The following NOL4L variants were observed in gnomAD, a reference collection of about 807,000 sequenced individuals.
NOL4L encodes nucleolar protein 4 like, also known as nucleolar protein 4-like.
A neutral mutation model predicts 64.5 loss-of-function variants in NOL4L; 7 were observed. The observed-to-expected ratio is 0.11, with a 90% CI of 0.06 to 0.20. NOL4L has a LOEUF of 0.20. Among genes scored for constraint, NOL4L ranks in the 10% least tolerant of loss-of-function variants. The probability of loss-of-function intolerance (pLI) is 1.00; values close to 1 mark genes in which losing one functional copy is unlikely to be tolerated. For synonymous variants in NOL4L, 413 were observed against 401.0 expected, an observed-to-expected ratio of 1.03 and a Z score of -0.36; for missense variants, 680 against 967.1, an observed-to-expected ratio of 0.70 and a Z score of 3.94.
chr20:32,460,928 C>T lies in NOL4L; in HGVS notation c.842-4533G>A, dbSNP rs900234618. ...TCCCCTACTCTCGGCGACTCCTGCT[C>T]GCCCTTCTGTGCTAACCCGAGCACC... On this transcript the variant is annotated intron_variant, in intron 5 of 10. Transcript: ENST00000621426. The surrounding 1 kb of genome is among the most constrained non-coding windows in gnomAD (Gnocchi z 5.7). Among the ~76,000 whole-genome samples the T allele has an allele frequency of 2.0e-5, 3 of 152,246 alleles. No individual in the cohort carries two copies. Among genetic ancestry groups the T allele is most frequent in the Non-Finnish European group, 4.4e-5 (3 of 68,040 alleles).
chr20:32,542,188 C>T (rs916468372), intron 1 of NOL4L, among the ~76,000 whole-genome samples: 3 of 152,200 alleles, frequency 2.0e-5, no homozygotes, highest in South Asian at 2.1e-4. Context: ...AGTGCCTCCT[C>T]GGGCTAGCTG....
rs1695896811 is a variant in NOL4L, at chr20:32,584,919, G to GCGGGCCGGCCGC, written c.-41_-30dup. 1 of 1,173,238 alleles carries GCGGGCCGGCCGC rather than the reference G, an allele frequency of 8.5e-7. No homozygotes were observed. The highest frequency in any genetic ancestry group is 1.1e-6 in the Non-Finnish European group (1 of 952,130). The allele number at this position is 1,173,238 out of a possible 1,614,324, so 72.7% of individuals were successfully genotyped here. ...CCCGCCGCGCCCGGCGCCCTCGGGG[G>GCGGGCCGGCCGC]CGGGCCGGCCGCCGGGCCGCCCGGT... On this transcript the variant is annotated 5_prime_UTR_variant, in exon 1 of 11. Coordinates refer to ENST00000621426, the MANE Select transcript of NOL4L (RefSeq NM_001256798.2).
At chr20:32,561,030 G>C (rs960929880) in intron 1 of NOL4L, 1 of 152,342 alleles carries the variant, frequency 6.6e-6, no homozygotes, top group East Asian at 1.9e-4. Flanking sequence ...GCGGCATGAC[G>C]GATGTGCCCG....
intron 1 of NOL4L, among the ~76,000 whole-genome samples, chr20:32,580,871 G>A (rs1980423740): frequency 6.6e-6 from 1 of 152,218 alleles, no homozygotes; most frequent in South Asian, 2.1e-4. Flanking sequence ...CGTAACCTGT[G>A]GCCCTCGCAG....
rs2012306296 is a variant in NOL4L, at chr20:32,445,869, G to C, written c.*1727C>G. ...GGCAGGATGGGGCATCCTCACTGGTGCCCCCCCCATCCCTCCTTGGGGGGA... is the reference window on the plus strand; with the variant it reads ...GGCAGGATGGGGCATCCTCACTGGTCCCCCCCCCATCCCTCCTTGGGGGGA... On this transcript the variant is annotated 3_prime_UTR_variant, in exon 11 of 11. Coordinates refer to ENST00000621426, the MANE Select transcript of NOL4L (RefSeq NM_001256798.2). 1.3e-5 allele frequency: 2 copies of C among 151,900 alleles called. No homozygotes were observed. The highest frequency in any genetic ancestry group is 4.2e-4 in the South Asian group (2 of 4,818). 9.4% of individuals were successfully genotyped at this position (151,900 alleles called of 1,614,324 possible).
chr20:32,536,109 T>C (rs2018513341), intron 1 of NOL4L: 1 of 985,450 alleles, frequency 1.0e-6, no homozygotes, highest in Admixed American at 6.1e-5. Context: ...TCATAGGAAG[T>C]GTGTGGGAAC....
intron 4 of NOL4L, among the ~76,000 whole-genome samples, chr20:32,477,046 C>T (rs2015439197): frequency 6.6e-6 from 1 of 152,178 alleles, no homozygotes. Context: ...GAAAAGTTCC[C>T]CTCCCACAGT....
chr20:32,491,694 G>A (rs1382167201), intron 4 of NOL4L, among the ~76,000 whole-genome samples: 2 of 152,180 alleles, frequency 1.3e-5, no homozygotes, highest in Non-Finnish European at 2.9e-5. Flanking sequence ...GCATGCACAT[G>A]CCTCTTTTCC....
chr20:32,574,705 T>C (rs572973892), intron 1 of NOL4L, among the ~76,000 whole-genome samples: 2 of 151,972 alleles, frequency 1.3e-5, no homozygotes, highest in African/African-American at 4.8e-5. Context: ...TTGTGTCGGG[T>C]CCCAGCCGGG....
At chr20:32,563,360 C>T (rs1355158866) in intron 1 of NOL4L, among the ~76,000 whole-genome samples, 1 of 151,204 alleles carries the variant, frequency 6.6e-6, no homozygotes, top group African/African-American at 2.4e-5. Context: ...TACTGAATAC[C>T]TGCCCTGGGT....
chr20:32,573,686 G>T (rs1195548451), intron 1 of NOL4L: 1 of 198,776 alleles, frequency 5.0e-6, no homozygotes, highest in South Asian at 8.7e-5. Context: ...CTGCACAGCA[G>T]TAAGCGGCAG....
chr20:32,580,560 G>A (rs533392423), intron 1 of NOL4L, among the ~76,000 whole-genome samples: 1 of 152,298 alleles, frequency 6.6e-6, no homozygotes, highest in Admixed American at 6.5e-5. Context: ...GAACACCTGG[G>A]GTCCAGCTTG....
intron 1 of NOL4L, among the ~76,000 whole-genome samples, chr20:32,566,808 T>G (rs1979459166): frequency 6.6e-6 from 1 of 152,206 alleles, no homozygotes; most frequent in Non-Finnish European, 1.5e-5. Flanking sequence ...CTCCACGCAT[T>G]TACCAGCGTC....
intron 1 of NOL4L, among the ~76,000 whole-genome samples, chr20:32,554,408 T>G (rs1303015710): frequency 2.6e-5 from 4 of 151,436 alleles, no homozygotes; most frequent in Non-Finnish European, 4.4e-5. Flanking sequence ...TGTCACAGGC[T>G]GCACAGCCAA....
At chr20:32,575,580 C>T (rs1368933631) in intron 1 of NOL4L, among the ~76,000 whole-genome samples, 1 of 152,038 alleles carries the variant, frequency 6.6e-6, no homozygotes, top group Non-Finnish European at 1.5e-5. Context: ...CAGAACCCGG[C>T]TCTGAGACAT....
In NOL4L at chr20:32,453,140, T is replaced by A; in HGVS notation, c.1498-134A>T. On this transcript the variant is annotated intron_variant, in intron 8 of 10. Transcript: ENST00000621426. This position sits in a 1 kb window ranked among gnomAD's most constrained non-coding sequence, Gnocchi z 5.6. ...CGCCTCAGTCTATGGAGCTGTGTGA[T>A]CTTTCTGGGCCTTAGTTCCCTCATT... 1 of 1,435,412 alleles carries A rather than the reference T, an allele frequency of 7.0e-7. No homozygotes were observed. The highest frequency in any genetic ancestry group is 2.4e-4 in the Middle Eastern group (1 of 4,214). The allele number at this position is 1,435,412 out of a possible 1,614,324, so 88.9% of individuals were successfully genotyped here. A position where few individuals can be genotyped will look rare whatever the true frequency, so the allele number is the denominator to read the frequency against.
intron 1 of NOL4L, among the ~76,000 whole-genome samples, chr20:32,551,221 C>T (rs2018796871): frequency 6.6e-6 from 1 of 150,520 alleles, no homozygotes; most frequent in African/African-American, 2.4e-5. Flanking sequence ...ACTAAAAATA[C>T]AAAAATTAGC....
chr20:32,534,696 C>T (rs536287777), intron 1 of NOL4L, among the ~76,000 whole-genome samples: 9 of 151,844 alleles, frequency 5.9e-5, no homozygotes, highest in African/African-American at 1.9e-4. Flanking sequence ...CCCCACCCCC[C>T]GCCGCCAGGA....
At chr20:32,511,556 G>T in intron 3 of NOL4L, 100 bp from the exon 4 acceptor site, 1 of 747,834 alleles carries the variant, frequency 1.3e-6, no homozygotes, top group Non-Finnish European at 2.2e-6. Flanking sequence ...AAGCCACCTT[G>T]GAGGAGAAGG....
Sources: gnomAD v4.1 joint callset for allele counts (sites outside exome capture counted in the v4.1 genomes callset) on GRCh38, gnomAD v4.1.1 for gene constraint, Gnocchi (gnomAD v3.1) non-coding constraint, MANE v1.5 for transcripts, NCBI Gene and HGNC (gene_info 2026-07-23, HGNC 2026-07-21) for gene names.